Variants in BCORL1 observed in about 807,000 individuals in gnomAD.
BCORL1 encodes the protein BCL6 corepressor like 1.
Under a neutral mutation model 87.6 loss-of-function variants are expected in BCORL1, and 7 were observed. The observed-to-expected ratio is 0.08, with a 90% CI of 0.05 to 0.15. The LOEUF (loss-of-function observed/expected upper bound fraction) is 0.15. BCORL1 is among the 10% of genes least tolerant of loss of function. BCORL1 has a pLI of 1.00. For synonymous variants in BCORL1, 591 were observed against 634.4 expected, an observed-to-expected ratio of 0.93 and a Z score of 1.03; for missense variants, 1,215 against 1,499.7, an observed-to-expected ratio of 0.81 and a Z score of 3.13.
Position 129,990,412 on chromosome X carries a change from T to G in BCORL1, c.-45+7650T>G, listed in dbSNP as rs750663854. ...GTGCCCGGCTAATTTTTTGTATTTT[T>G]AGTAGAGACGGGGTTTCACTGTGTT... On this transcript the variant is annotated intron_variant, in intron 1 of 13. Coordinates refer to ENST00000540052, the MANE Select transcript of BCORL1 (RefSeq NM_001379451.1). Among the ~76,000 whole-genome samples, 3 of 109,855 alleles carry G rather than the reference T, an allele frequency of 2.7e-5. No individual in the cohort carries two copies. The East Asian group carries it at 8.7e-4, about 32-fold the overall frequency.
In BCORL1 at chrX:130,013,532, C is replaced by G. The variant is rs1327962946; in HGVS notation, c.760C>G (p.Pro254Ala). 1.7e-5 allele frequency: 21 copies of G among 1,209,314 alleles called. No homozygotes were observed. Among genetic ancestry groups the G allele is most frequent in the Non-Finnish European group, 2.3e-5 (21 of 895,080 alleles). The change falls in exon 4 of 14, where the codon CCT becomes GCT. Residue 254 changes from proline to alanine, a missense_variant. By Grantham distance (27) the Pro-to-Ala change is conservative. Around this residue, in one of 5 missense-constraint regions of BCORL1, gnomAD observed 861 missense variants for 1,010.0 expected, o/e 0.85. Transcript: ENST00000540052. ...SVPAPSPPLA[P>A]VPALAPAPPS... is the part of the protein sequence containing the mutation. ...TCCAGCTCCTTCCCCTCCCTTAGCACCTGTCCCGGCTCTGGCTCCAGCGCC... is the reference window on the plus strand; with the variant it reads ...TCCAGCTCCTTCCCCTCCCTTAGCAGCTGTCCCGGCTCTGGCTCCAGCGCC...
At chrX:130,018,762 C>T (rs1929610447) in intron 4 of BCORL1, among the ~76,000 whole-genome samples, 1 of 112,255 alleles carries the variant, frequency 8.9e-6, no homozygotes, top group Non-Finnish European at 1.9e-5. Flanking sequence ...AGATCAGGGG[C>T]CTGGAAGCAG....
At chrX:130,040,630 A>G (rs765654633) in intron 11 of BCORL1, among the ~76,000 whole-genome samples, 1 of 112,495 alleles carries the variant, frequency 8.9e-6, no homozygotes, top group South Asian at 3.6e-4. Context: ...CTTGAGGCGC[A>G]GAGCAGCCTT....
chrX:130,002,569 A>C, intron 1 of BCORL1, among the ~76,000 whole-genome samples: 1 of 96,392 alleles, frequency 1.0e-5, no homozygotes, highest in Admixed American at 1.2e-4. Context: ...GGAGAAGGGG[A>C]AGGAGGGGGA....
intron 11 of BCORL1, among the ~76,000 whole-genome samples, chrX:130,046,908 C>T (rs1337096365): frequency 9.2e-6 from 1 of 108,502 alleles, no homozygotes; most frequent in Non-Finnish European, 1.9e-5. Context: ...ACTCCCCATT[C>T]CCCCTTCCTC....
In BCORL1 at chrX:130,013,933, C is replaced by T. The variant is rs145525215; in HGVS notation, c.1161C>T (p.Ala387=). 4 of 1,179,969 alleles carry T rather than the reference C, an allele frequency of 3.4e-6. No homozygotes were observed. In the African/African-American group the frequency reaches 5.4e-5, roughly 16 times the overall value. Residue 387 remains alanine (A), a synonymous_variant, in exon 4 of 14, where the codon GCC becomes GCT. Transcript: ENST00000540052. ...APTPVPAPTP[A]PIFTPAPTPM... Reference sequence around the variant, plus strand: ...CACCGGTGCCTGCACCCACCCCAGCCCCCATCTTTACTCCAGCCCCTACAC... The same window carrying T: ...CACCGGTGCCTGCACCCACCCCAGCTCCCATCTTTACTCCAGCCCCTACAC...
rs1270107390 is a variant in BCORL1 at position 130,025,126 on chromosome X, C to T, written c.3825C>T (p.Thr1275=). 8.3e-7 allele frequency: 1 copy of T among 1,211,776 alleles called. No individual in the cohort carries two copies. Among genetic ancestry groups the T allele is most frequent in the East Asian group, 3.0e-5 (1 of 33,841 alleles). ...RRKVRKTQRD[T]QYRSHHAQDK... ...AGGTGAGAAAGACCCAACGGGACAC[C>T]CAGTATCGCAGCCACCATGCCCAGG... The change falls in exon 7 of 14, where the codon ACC becomes ACT. Residue 1275 remains threonine, a synonymous_variant. Coordinates refer to ENST00000540052, the MANE Select transcript of BCORL1 (RefSeq NM_001379451.1).
At position 130,025,237 on chromosome X, in the gene BCORL1, G is replaced by T; in HGVS notation, c.3936G>T (p.Trp1312Cys). 8.3e-7 allele frequency: 1 copy of T among 1,211,153 alleles called. No individual in the cohort carries two copies. The highest frequency in any genetic ancestry group is 1.1e-6 in the Non-Finnish European group (1 of 895,178). ...GGACAGAGGCTGCCCGGCAAATGTG[G>T]GACACCAATGAGGAGGAGGAGGAAG... ...PWRTEAARQM[W>C]DTNEEEEEEE... is the part of the protein sequence containing the mutation. Residue 1312 changes from tryptophan (W) to cysteine (C), a missense_variant, in exon 7 of 14, where the codon TGG (tryptophan) becomes TGT (cysteine). Physicochemically the swap from Trp to Cys is radical, Grantham distance 215 (BLOSUM62 -2). Around this residue, in one of 5 missense-constraint regions of BCORL1, gnomAD observed 166 missense variants for 196.5 expected, o/e 0.84. Coordinates refer to ENST00000540052, the MANE Select transcript of BCORL1 (RefSeq NM_001379451.1).
chrX:129,996,114 C>A (rs1461137660), intron 1 of BCORL1, among the ~76,000 whole-genome samples: 1 of 110,887 alleles, frequency 9.0e-6, no homozygotes, highest in Non-Finnish European at 1.9e-5. Flanking sequence ...GGTGGCCTCT[C>A]CTTTTGCTGC....
At chrX:130,053,140 AAATAAAATAAAAT>A (rs1932167122) in intron 13 of BCORL1, among the ~76,000 whole-genome samples, 1 of 111,871 alleles carries the variant, frequency 8.9e-6, no homozygotes, top group Non-Finnish European at 1.9e-5. Context: ...CTCCGTCTCA[AAATAAAATAAAAT>A]AATAAAATAA....
At chrX:130,017,321 G>A (rs16999589) in intron 4 of BCORL1, among the ~76,000 whole-genome samples, 1,693 of 111,011 alleles carry the variant, frequency 0.015, 26 homozygotes, top group African/African-American at 0.052. Context: ...TCAGAGACAC[G>A]TGAAGTAGGA....
intron 13 of BCORL1, among the ~76,000 whole-genome samples, chrX:130,053,827 C>T (rs1191478897): frequency 8.9e-6 from 1 of 112,192 alleles, no homozygotes; most frequent in East Asian, 2.8e-4. Flanking sequence ...GAATTCTCAT[C>T]ACTAGTGTGA....
At chrX:130,034,807 G>T (rs184134408) in intron 9 of BCORL1, 131 bp downstream of exon 9, 3 of 361,545 alleles carry the variant, frequency 8.3e-6, no homozygotes, top group Admixed American at 9.5e-5. Flanking sequence ...CCCTGGGGCT[G>T]CCTTGCCCCT....
At chrX:130,002,932 G>T (rs1928173664) in intron 1 of BCORL1, among the ~76,000 whole-genome samples, 1 of 110,310 alleles carries the variant, frequency 9.1e-6, no homozygotes, top group African/African-American at 3.3e-5. Flanking sequence ...TTTGGGGTGG[G>T]CAGTGGAAGA....
intron 2 of BCORL1, among the ~76,000 whole-genome samples, chrX:130,008,623 T>C (rs1025588850): frequency 3.6e-5 from 4 of 112,013 alleles, no homozygotes; most frequent in Non-Finnish European, 7.5e-5. Flanking sequence ...GTCACCTTCT[T>C]GCTACAGTCT....
chrX:130,033,218 A>T (rs1293594285), intron 8 of BCORL1, among the ~76,000 whole-genome samples: 2 of 110,179 alleles, frequency 1.8e-5, no homozygotes, highest in African/African-American at 6.6e-5. Flanking sequence ...AGTAGCTGGA[A>T]CTATAGGCGT....
rs112594609 is a variant in BCORL1, at chrX:129,991,651, CT to C, written c.-45+8913del. On this transcript the variant is annotated intron_variant, in intron 1 of 13. Transcript: ENST00000540052. ...GCCACTGTGCCCGGCAGAAAATATTCTTTTTTTTTTTTTTTTTTTTTTTTGA... is the reference window on the plus strand; with the variant it reads ...GCCACTGTGCCCGGCAGAAAATATTCTTTTTTTTTTTTTTTTTTTTTTTGA... Among the ~76,000 whole-genome samples, 109 of 47,514 alleles carry C rather than the reference CT, an allele frequency of 2.3e-3. 2 individuals carry two copies. Among genetic ancestry groups the C allele is most frequent in the African/African-American group, 4.8e-3 (49 of 10,268 alleles). The allele number at this position is 47,514 out of a possible 115,157, so 41.3% of individuals were successfully genotyped here.
intron 2 of BCORL1, among the ~76,000 whole-genome samples, chrX:130,006,310 A>G (rs1928484996): frequency 9.0e-6 from 1 of 110,752 alleles, no homozygotes; most frequent in Non-Finnish European, 1.9e-5. Flanking sequence ...TTTGGCTTTC[A>G]TAACCCTTGG....
In BCORL1 at chrX:130,050,810, G is replaced by A. The variant is rs373317013; in HGVS notation, c.4918+16G>A. The A allele has an allele frequency of 5.5e-5, 64 of 1,172,585 alleles. No homozygotes were observed. The highest frequency in any genetic ancestry group is 4.7e-4 in the Middle Eastern group (2 of 4,252). ...TCTGTGTTGGGTAAGTTTTAAGTGAGATTCTTCCCACCCTTCTTCTCAAGG... is the reference window on the plus strand; with the variant it reads ...TCTGTGTTGGGTAAGTTTTAAGTGAAATTCTTCCCACCCTTCTTCTCAAGG... On this transcript the variant is annotated intron_variant, in intron 12 of 13. Transcript: ENST00000540052.
Sources: allele counts gnomAD v4.1 joint callset (sites outside exome capture counted in the v4.1 genomes callset), GRCh38; gene constraint gnomAD v4.1.1; regional missense constraint gnomAD v4.1.1; transcripts MANE v1.5; gene names NCBI Gene and HGNC (gene_info 2026-07-23, HGNC 2026-07-21).